RAPGEF5: variants seen among roughly 807,000 people sequenced by gnomAD.
RAPGEF5 encodes Rap guanine nucleotide exchange factor 5, also known as M-Ras-regulated GEF.
RAPGEF5 carries 65 observed loss-of-function variants against 125.2 expected under a neutral mutation model. That is an observed-to-expected ratio of 0.52 (90% CI 0.43 to 0.64). The LOEUF is 0.64. Among genes scored for constraint, RAPGEF5 ranks in the 30% least tolerant of loss-of-function variants. The pLI, the probability that RAPGEF5 is intolerant of heterozygous loss-of-function variation, is 0.00. For synonymous variants in RAPGEF5, 391 were observed against 385.9 expected (o/e 1.01, Z -0.16); for missense variants, 958 against 1,048.1 (o/e 0.91, Z 1.19).
intron 1 of RAPGEF5, 24 bp from the exon 2 acceptor site, chr7:22,318,061 A>G (rs984156635): frequency 6.6e-7 from 1 of 1,521,388 alleles, no homozygotes; most frequent in Non-Finnish European, 8.8e-7. Flanking sequence ...AGAAAAAAAA[A>G]ATAGTTAGAA....
intron 1 of RAPGEF5, among the ~76,000 whole-genome samples, chr7:22,323,332 C>T (rs1022912371): frequency 1.3e-5 from 2 of 152,186 alleles, no homozygotes; most frequent in African/African-American, 4.8e-5. Context: ...GACTTATAAA[C>T]ATTTCACAAA....
chr7:22,191,633 G>T (rs1583467590), intron 11 of RAPGEF5: 1 of 470,648 alleles, frequency 2.1e-6, no homozygotes, highest in East Asian at 6.9e-5. Flanking sequence ...GATCCCAGGG[G>T]TTGGTATAAC....
intron 3 of RAPGEF5, among the ~76,000 whole-genome samples, chr7:22,312,432 C>A (rs1783494322): frequency 1.3e-5 from 2 of 152,156 alleles, no homozygotes. Flanking sequence ...TGGTCTCGAA[C>A]TCCTGGCCTC....
chr7:22,154,577 T>C lies in RAPGEF5; in HGVS notation c.1664A>G (p.His555Arg), dbSNP rs373606781. ...TTTTGCCTTCACACTGACATAGGAG[T>C]GCTCTGTTATATACACGTGGCAGAA... The part of the protein sequence containing the change: ...EIFCHVYITE[H>R]SYVSVKAKVS... Residue 555 changes from histidine (H) to arginine (R), a missense_variant, in exon 17 of 26, where the codon CAC (histidine) becomes CGC (arginine). Transcript: ENST00000665637. 1.5e-5 allele frequency: 25 copies of C among 1,613,646 alleles called. No homozygotes were observed. In the African/African-American group the frequency reaches 2.9e-4, roughly 19 times the overall value.
intron 7 of RAPGEF5, among the ~76,000 whole-genome samples, chr7:22,245,702 T>C (rs1303855171): frequency 6.6e-6 from 1 of 152,116 alleles, no homozygotes; most frequent in East Asian, 1.9e-4. Flanking sequence ...GGCTTTCTTC[T>C]TAAAATATCA....
chr7:22,208,569 C>T (rs1177494866), intron 9 of RAPGEF5, among the ~76,000 whole-genome samples: 2 of 152,160 alleles, frequency 1.3e-5, no homozygotes, highest in African/African-American at 4.8e-5. Flanking sequence ...TGACCAAAAT[C>T]CCTGTGTCTC....
At chr7:22,193,050 G>A (rs997147999) in intron 11 of RAPGEF5, 1 of 422,706 alleles carries the variant, frequency 2.4e-6, no homozygotes, top group East Asian at 4.2e-5. Context: ...TCTTTCCATT[G>A]AACATGGGCT....
rs896160833 is a variant in RAPGEF5 at position 22,277,969 on chromosome 7, G to C, written c.748-10957C>G. Among the ~76,000 whole-genome samples the C allele has an allele frequency of 1.3e-4, 19 of 151,988 alleles. 1 individual carries two copies. The highest frequency in any genetic ancestry group is 3.4e-4 in the African/African-American group (14 of 41,354). On this transcript the variant is annotated intron_variant, in intron 6 of 25. Coordinates refer to ENST00000665637, the MANE Select transcript of RAPGEF5 (RefSeq NM_012294.5). ...TACCAAGTGGGGTATTCATGTTTGG[G>C]GGACCATTTTACCCGTTACAGAATG... is the stretch of plus-strand genomic sequence containing the variant.
intron 7 of RAPGEF5, among the ~76,000 whole-genome samples, chr7:22,265,848 C>T (rs1782269539): frequency 6.6e-6 from 1 of 152,150 alleles, no homozygotes; most frequent in Non-Finnish European, 1.5e-5. Flanking sequence ...TGTCCTTTCT[C>T]TACATTGGCC....
chr7:22,150,715 G>T (rs1336378065), intron 17 of RAPGEF5, among the ~76,000 whole-genome samples: 1 of 152,202 alleles, frequency 6.6e-6, no homozygotes, highest in African/African-American at 2.4e-5. Context: ...CGGTCAGAAA[G>T]TGGAGTCCTC....
chr7:22,203,524 CA>C (rs1439323427), intron 9 of RAPGEF5, among the ~76,000 whole-genome samples: 1 of 152,202 alleles, frequency 6.6e-6, no homozygotes, highest in East Asian at 1.9e-4. Context: ...GAAAACACAG[CA>C]ATGACAAACA....
intron 11 of RAPGEF5, among the ~76,000 whole-genome samples, chr7:22,183,192 C>T (rs1784724735): frequency 1.4e-5 from 2 of 146,806 alleles, no homozygotes; most frequent in South Asian, 4.3e-4. Flanking sequence ...TCTCTTGAAC[C>T]CAGGAGGGGG....
intron 9 of RAPGEF5, among the ~76,000 whole-genome samples, chr7:22,195,062 T>G (rs1301970598): frequency 6.6e-6 from 1 of 152,240 alleles, no homozygotes; most frequent in Non-Finnish European, 1.5e-5. Context: ...GGTTTCACCT[T>G]AAAGATGATG....
chr7:22,221,471 T>C (rs561828677), intron 8 of RAPGEF5, among the ~76,000 whole-genome samples: 1 of 152,222 alleles, frequency 6.6e-6, no homozygotes. Flanking sequence ...TCTCCAGATA[T>C]ATATCTGATA....
intron 6 of RAPGEF5, among the ~76,000 whole-genome samples, chr7:22,282,619 T>G (rs1239788171): frequency 1.3e-5 from 2 of 152,218 alleles, no homozygotes; most frequent in Non-Finnish European, 2.9e-5. Flanking sequence ...ATCTCTCCAA[T>G]GCAATGGTAA....
intron 1 of RAPGEF5, among the ~76,000 whole-genome samples, chr7:22,321,415 G>T (rs1783712771): frequency 6.6e-6 from 1 of 152,182 alleles, no homozygotes; most frequent in South Asian, 2.1e-4. Context: ...GCTAAACAGT[G>T]TAATAGACTT....
intron 6 of RAPGEF5, among the ~76,000 whole-genome samples, chr7:22,279,598 C>T (rs1042575605): frequency 6.6e-6 from 1 of 152,158 alleles, no homozygotes; most frequent in Non-Finnish European, 1.5e-5. Flanking sequence ...CCACAGATTC[C>T]ATTAGTCCTG....
Position 22,318,018 on chromosome 7 carries a change from G to C in RAPGEF5, c.251C>G (p.Ser84Cys), listed in dbSNP as rs61744282. 7 of 1,540,888 alleles carry C rather than the reference G, an allele frequency of 4.5e-6. No individual in the cohort carries two copies. The highest frequency in any genetic ancestry group is 1.4e-5 in the African/African-American group (1 of 72,158). Residue 84 changes from serine to cysteine, a missense_variant, in exon 2 of 26, where the codon TCT becomes TGT. Coordinates refer to ENST00000665637, the MANE Select transcript of RAPGEF5 (RefSeq NM_012294.5). ...AGGRTLSRRISNPYLEHTPSQ... is the reference protein window; with the variant it reads ...AGGRTLSRRICNPYLEHTPSQ... ...AGGCGTATGTTCAAGGTACGGATTA[G>C]ATATTCTTCTTGATAGAGTCTATTT...
chr7:22,168,381 T>C (rs1337301793), intron 11 of RAPGEF5, among the ~76,000 whole-genome samples: 1 of 152,204 alleles, frequency 6.6e-6, no homozygotes, highest in Non-Finnish European at 1.5e-5. Context: ...TGCTAGCACC[T>C]TGATCTTGGA....
Sources: gnomAD v4.1 joint callset for allele counts (sites outside exome capture counted in the v4.1 genomes callset) on GRCh38, gnomAD v4.1.1 for gene constraint, MANE v1.5 for transcripts, NCBI Gene and HGNC (gene_info 2026-07-23, HGNC 2026-07-21) for gene names.